FAM193A: variants seen among roughly 807,000 people sequenced by gnomAD.
FAM193A encodes the protein protein FAM193A.
Under a neutral mutation model 126.5 loss-of-function variants are expected in FAM193A, and 22 were observed. The ratio of observed to expected loss-of-function variants is 0.17; its 90% CI spans 0.12 to 0.25. FAM193A has a LOEUF of 0.25. FAM193A is among the 10% of genes least tolerant of loss of function. The probability of loss-of-function intolerance (pLI) is 1.00; values close to 1 mark genes in which losing one functional copy is unlikely to be tolerated. For missense variants in FAM193A, 1,675 were observed against 1,672.8 expected, an observed-to-expected ratio of 1.00 and a Z score of -0.02; for synonymous variants, 761 against 646.8, an observed-to-expected ratio of 1.18 and a Z score of -2.68.
At chr4:2,671,180 G>A (rs910215466) in intron 12 of FAM193A, among the ~76,000 whole-genome samples, 1 of 152,204 alleles carries the variant, frequency 6.6e-6, no homozygotes, top group African/African-American at 2.4e-5. Flanking sequence ...GGTGTCCTCA[G>A]TGCATGCACT....
intron 15 of FAM193A, among the ~76,000 whole-genome samples, chr4:2,693,083 C>T (rs1335248269): frequency 6.6e-6 from 1 of 151,924 alleles, no homozygotes; most frequent in African/African-American, 2.4e-5. Context: ...GAGTCTTGCT[C>T]CGTCACCCAG....
At chr4:2,601,231 T>C (rs1192915146) in intron 2 of FAM193A, among the ~76,000 whole-genome samples, 62 of 146,184 alleles carry the variant, frequency 4.2e-4, no homozygotes, top group African/African-American at 1.4e-3. Context: ...CTTCTTCTTT[T>C]TTTTTTTTTT....
chr4:2,544,303 T>C (rs1238923472), intron 1 of FAM193A, among the ~76,000 whole-genome samples: 1 of 152,186 alleles, frequency 6.6e-6, no homozygotes, highest in African/African-American at 2.4e-5. Flanking sequence ...CCCATAGCCA[T>C]GATCCCAGCA....
chr4:2,692,277 T>A (rs915109226), intron 15 of FAM193A, among the ~76,000 whole-genome samples: 1 of 152,178 alleles, frequency 6.6e-6, no homozygotes, highest in African/African-American at 2.4e-5. Flanking sequence ...AAGCCCCTTA[T>A]AAAACCATCA....
At chr4:2,554,073 T>TA (rs1169102564) in intron 1 of FAM193A, among the ~76,000 whole-genome samples, 1 of 152,142 alleles carries the variant, frequency 6.6e-6, no homozygotes, top group Non-Finnish European at 1.5e-5. Flanking sequence ...TTAATTCTGT[T>TA]ATCTCTCCCT....
chr4:2,570,933 G>A lies in FAM193A; in HGVS notation c.256-25151G>A, dbSNP rs139272202. On this transcript the variant is annotated intron_variant, in intron 1 of 20. Coordinates refer to ENST00000637812, the MANE Select transcript of FAM193A (RefSeq NM_001366318.2). The stretch of plus-strand genomic sequence containing the variant: ...ACACAGGGCCTATTTCTCTTCTGCC[G>A]TACACTTCCTCCCCTACCTCTGCCT... Among the ~76,000 whole-genome samples, 507 of 152,224 alleles carry A rather than the reference G, an allele frequency of 3.3e-3. 2 individuals carry two copies. The highest frequency in any genetic ancestry group is 0.012 in the African/African-American group (484 of 41,522).
At chr4:2,651,012 A>G (rs540731061) in intron 7 of FAM193A, among the ~76,000 whole-genome samples, 1 of 152,224 alleles carries the variant, frequency 6.6e-6, no homozygotes, top group East Asian at 1.9e-4. Context: ...GGGTGTGTGT[A>G]TCAGTCCATT....
chr4:2,699,047 G>A (rs1460883371), intron 18 of FAM193A, among the ~76,000 whole-genome samples: 2 of 152,090 alleles, frequency 1.3e-5, no homozygotes, highest in African/African-American at 2.4e-5. Flanking sequence ...ACAGTCGTGC[G>A]CCCTCACATC....
intron 8 of FAM193A, among the ~76,000 whole-genome samples, chr4:2,659,058 C>T (rs1663113600): frequency 2.0e-5 from 3 of 152,142 alleles, no homozygotes; most frequent in African/African-American, 7.2e-5. Flanking sequence ...GCCATCCCGT[C>T]CTTTTGAGTG....
intron 12 of FAM193A, among the ~76,000 whole-genome samples, chr4:2,668,438 T>C (rs1713392572): frequency 6.6e-6 from 1 of 152,092 alleles, no homozygotes; most frequent in Admixed American, 6.6e-5. Context: ...GGTCTCTAAC[T>C]GGCCTCAAGT....
At chr4:2,562,611 A>T (rs551391636) in intron 1 of FAM193A, among the ~76,000 whole-genome samples, 3 of 151,698 alleles carry the variant, frequency 2.0e-5, no homozygotes, top group African/African-American at 7.3e-5. Context: ...CCCACCCCCC[A>T]ACTTGATCTG....
intron 6 of FAM193A, among the ~76,000 whole-genome samples, chr4:2,643,669 A>C (rs186715266): frequency 2.4e-4 from 36 of 152,244 alleles, no homozygotes; most frequent in African/African-American, 8.4e-4. Flanking sequence ...TATCTATGAA[A>C]GAACTAGGCC....
chr4:2,613,113 A>G (rs1560481853), intron 2 of FAM193A, among the ~76,000 whole-genome samples: 1 of 152,160 alleles, frequency 6.6e-6, no homozygotes, highest in Non-Finnish European at 1.5e-5. Flanking sequence ...TTTTGTAGTC[A>G]GTATATTAAA....
rs773155650 is a variant in FAM193A at position 2,663,263 on chromosome 4, C to T, written c.2054C>T (p.Pro685Leu). 2 of 1,600,212 alleles carry T rather than the reference C, an allele frequency of 1.2e-6. No individual in the cohort carries two copies. Among genetic ancestry groups the T allele is most frequent in the African/African-American group, 2.7e-5 (2 of 74,144 alleles). The change falls in exon 12 of 21, where the codon CCA becomes CTA. Residue 685 changes from proline (P) to leucine (L), a missense_variant. By Grantham distance (98) the Pro-to-Leu change is moderately conservative (BLOSUM62 -3). Transcript: ENST00000637812. ...ACAGAGGAGAGCAAAGCAGACAGTC[C>T]ACCCCCATCCTACCCAACACAGCAG... ...PRTEESKADS[P>L]PPSYPTQQAE... is the part of the protein sequence containing the mutation.
intron 1 of FAM193A, among the ~76,000 whole-genome samples, chr4:2,547,665 G>A (rs958634773): frequency 1.3e-5 from 2 of 149,870 alleles, no homozygotes; most frequent in Non-Finnish European, 3.0e-5. Flanking sequence ...TCACCCTTTC[G>A]CCCAGGCTGG....
At chr4:2,634,135 G>A (rs972371092) in intron 5 of FAM193A, among the ~76,000 whole-genome samples, 6 of 152,194 alleles carry the variant, frequency 3.9e-5, no homozygotes, top group South Asian at 2.1e-4. Flanking sequence ...TGGAAACTCC[G>A]AGCACCGAAA....
At chr4:2,720,953 C>G (rs1049394193) in intron 20 of FAM193A, among the ~76,000 whole-genome samples, 12 of 152,164 alleles carry the variant, frequency 7.9e-5, no homozygotes, top group Non-Finnish European at 1.6e-4. Context: ...AAGAGGATTG[C>G]TTGAAGCCAG....
chr4:2,623,664 A>G (rs1167367913), intron 2 of FAM193A, among the ~76,000 whole-genome samples: 3 of 152,122 alleles, frequency 2.0e-5, no homozygotes, highest in Admixed American at 1.3e-4. Flanking sequence ...GACCTTGCCA[A>G]GTCCAGCCCA....
intron 5 of FAM193A, among the ~76,000 whole-genome samples, chr4:2,636,368 GA>G (rs1459190316): frequency 6.6e-6 from 1 of 152,090 alleles, no homozygotes; most frequent in Non-Finnish European, 1.5e-5. Flanking sequence ...CTGCCAGGAA[GA>G]ATATTTTAAT....
Sources: allele counts gnomAD v4.1 joint callset (sites outside exome capture counted in the v4.1 genomes callset), GRCh38; gene constraint gnomAD v4.1.1; transcripts MANE v1.5; gene names NCBI Gene and HGNC (gene_info 2026-07-23, HGNC 2026-07-21).